The following CPEB3 variants were observed in gnomAD, a reference collection of about 807,000 sequenced individuals.
The protein encoded by CPEB3 is cytoplasmic polyadenylation element binding protein 3, also known as cytoplasmic polyadenylation element-binding protein 3.
Under a neutral mutation model 67.2 loss-of-function variants are expected in CPEB3, and 20 were observed. The ratio of observed to expected loss-of-function variants is 0.30; its 90% CI spans 0.21 to 0.43. CPEB3 has a LOEUF of 0.43. CPEB3 is among the 20% of genes least tolerant of loss of function. CPEB3 has a pLI of 1.00. For missense variants in CPEB3, 746 were observed against 968.6 expected, an observed-to-expected ratio of 0.77 and a Z score of 3.05; for synonymous variants, 376 against 393.1, an observed-to-expected ratio of 0.96 and a Z score of 0.51.
chr10:92,181,372 A>G lies in CPEB3; in HGVS notation c.1166-353T>C, dbSNP rs1461564784. 3.1e-5 allele frequency among the ~76,000 whole-genome samples: 4 copies of G among 127,608 alleles called. No homozygotes were observed. In the East Asian group the frequency reaches 1.1e-3, roughly 36 times the overall value. 83.7% of individuals were successfully genotyped at this position (127,608 alleles called of 152,430 possible). ...CTGTCCTTCCATTCAAGCAGCAAAA[A>G]AAAAAAAAAAAAAAAAAATAGATTC... On this transcript the variant is annotated intron_variant, in intron 3 of 9. Coordinates refer to ENST00000265997, the MANE Select transcript of CPEB3 (RefSeq NM_014912.5).
chr10:92,251,608 G>A (rs1249245667), intron 1 of CPEB3, among the ~76,000 whole-genome samples: 1 of 152,050 alleles, frequency 6.6e-6, no homozygotes, highest in Admixed American at 6.5e-5. Context: ...CGAGTCAACT[G>A]AATATCCATA....
At chr10:92,208,730 A>G (rs1420779044) in intron 2 of CPEB3, among the ~76,000 whole-genome samples, 1 of 151,876 alleles carries the variant, frequency 6.6e-6, no homozygotes, top group African/African-American at 2.4e-5. Context: ...AGTAGCTGAG[A>G]CCACAGGTGC....
chr10:92,060,666 G>C (rs574356654), intron 9 of CPEB3, among the ~76,000 whole-genome samples: 2 of 151,956 alleles, frequency 1.3e-5, no homozygotes, highest in Non-Finnish European at 2.9e-5. Flanking sequence ...CAACTCTATA[G>C]GAAAAAAATC....
At chr10:92,268,943 G>A (rs937565641) in intron 1 of CPEB3, among the ~76,000 whole-genome samples, 5 of 152,108 alleles carry the variant, frequency 3.3e-5, no homozygotes, top group Non-Finnish European at 5.9e-5. Context: ...ATGAAATGGG[G>A]AAGTCAGGAT....
At chr10:92,082,404 G>A (rs930392476) in intron 8 of CPEB3, among the ~76,000 whole-genome samples, 1 of 152,012 alleles carries the variant, frequency 6.6e-6, no homozygotes, top group African/African-American at 2.4e-5. Context: ...TCAGCCTCCC[G>A]AGTAGCTGGG....
intron 1 of CPEB3, among the ~76,000 whole-genome samples, chr10:92,273,386 A>G (rs1390512315): frequency 1.3e-5 from 2 of 152,182 alleles, no homozygotes; most frequent in East Asian, 3.9e-4. Flanking sequence ...TCAATAAATG[A>G]TGCTGAATAA....
intron 1 of CPEB3, among the ~76,000 whole-genome samples, chr10:92,285,028 A>C (rs950935942): frequency 1.1e-4 from 16 of 152,184 alleles, no homozygotes; most frequent in Middle Eastern, 3.2e-3. Context: ...AAGGGGCATA[A>C]ACTGGTAAGA....
chr10:92,078,337 T>C (rs1843011605), intron 9 of CPEB3, among the ~76,000 whole-genome samples: 2 of 152,110 alleles, frequency 1.3e-5, no homozygotes, highest in South Asian at 4.1e-4. Flanking sequence ...CAAAAATAAA[T>C]ATTAAGTACA....
At chr10:92,127,143 T>C (rs907132339) in intron 6 of CPEB3, among the ~76,000 whole-genome samples, 4 of 152,032 alleles carry the variant, frequency 2.6e-5, no homozygotes, top group African/African-American at 9.7e-5. Context: ...AAAAATAAAA[T>C]GAGGGTAAAA....
At position 92,103,124 on chromosome 10, in the gene CPEB3, T is replaced by C. The variant is rs546463826; in HGVS notation, c.1572+7952A>G. Reference sequence around the variant, plus strand: ...TCACTCTCCTCACTCCACTGAAAGTTACCTTCCAGGGGTAGGAAAATAGGG... The same window carrying C: ...TCACTCTCCTCACTCCACTGAAAGTCACCTTCCAGGGGTAGGAAAATAGGG... On this transcript the variant is annotated intron_variant, in intron 7 of 9. Transcript: ENST00000265997. Among the ~76,000 whole-genome samples the C allele has an allele frequency of 2.6e-5, 4 of 152,292 alleles. No homozygotes were observed. In the South Asian group the frequency reaches 8.3e-4, roughly 32 times the overall value.
At chr10:92,082,236 C>G (rs2133221701) in intron 8 of CPEB3, among the ~76,000 whole-genome samples, 1 of 152,188 alleles carries the variant, frequency 6.6e-6, no homozygotes, top group Middle Eastern at 3.4e-3. Flanking sequence ...CTGGCCTGTA[C>G]TCCTTGTCAC....
intron 2 of CPEB3, among the ~76,000 whole-genome samples, chr10:92,201,849 A>G (rs1369680213): frequency 6.6e-6 from 1 of 152,180 alleles, no homozygotes; most frequent in Non-Finnish European, 1.5e-5. Flanking sequence ...GGTAATTAGA[A>G]CTAAGTATAT....
intron 2 of CPEB3, among the ~76,000 whole-genome samples, chr10:92,226,942 G>A (rs1851007524): frequency 6.6e-6 from 1 of 152,090 alleles, no homozygotes; most frequent in Admixed American, 6.6e-5. Flanking sequence ...GAACTGCAGC[G>A]CCTCCTGACT....
At chr10:92,223,938 G>A (rs1027704037) in intron 2 of CPEB3, among the ~76,000 whole-genome samples, 2 of 151,834 alleles carry the variant, frequency 1.3e-5, no homozygotes, top group East Asian at 3.9e-4. Flanking sequence ...TAGTAGAGAC[G>A]GGGTTTCACC....
At chr10:92,121,322 A>T (rs563838335) in intron 6 of CPEB3, among the ~76,000 whole-genome samples, 1 of 149,068 alleles carries the variant, frequency 6.7e-6, no homozygotes, top group Non-Finnish European at 1.5e-5. Flanking sequence ...ACTTACTCTT[A>T]AATGGCTATT....
At chr10:92,053,109 G>A (rs1191021414) in intron 9 of CPEB3, among the ~76,000 whole-genome samples, 1 of 152,144 alleles carries the variant, frequency 6.6e-6, no homozygotes, top group East Asian at 1.9e-4. Context: ...TCACAGCTGA[G>A]GTGTTAAGAA....
At chr10:92,093,837 C>T (rs919513819) in intron 7 of CPEB3, among the ~76,000 whole-genome samples, 7 of 151,902 alleles carry the variant, frequency 4.6e-5, no homozygotes, top group Non-Finnish European at 8.8e-5. Flanking sequence ...ACAAATTTCA[C>T]CCTCACCTAA....
intron 8 of CPEB3, among the ~76,000 whole-genome samples, chr10:92,084,020 A>G (rs1176859557): frequency 6.6e-6 from 1 of 152,022 alleles, no homozygotes; most frequent in Non-Finnish European, 1.5e-5. Context: ...CGTCTCTACT[A>G]AAATACAAAA....
chr10:92,217,825 C>A (rs1219464979), intron 2 of CPEB3, among the ~76,000 whole-genome samples: 1 of 152,100 alleles, frequency 6.6e-6, no homozygotes, highest in African/African-American at 2.4e-5. Flanking sequence ...TGACCACTGA[C>A]AAAACAGTAT....
Sources: gnomAD v4.1 joint callset for allele counts (sites outside exome capture counted in the v4.1 genomes callset) on GRCh38, gnomAD v4.1.1 for gene constraint, MANE v1.5 for transcripts, NCBI Gene and HGNC (gene_info 2026-07-23, HGNC 2026-07-21) for gene names.